The following CACNG3 variants were observed in gnomAD, a reference collection of about 807,000 sequenced individuals.
The protein encoded by CACNG3 is voltage-dependent calcium channel gamma-3 subunit.
Under a neutral mutation model 28.5 loss-of-function variants are expected in CACNG3, and 3 were observed. That is an observed-to-expected ratio of 0.11 (90% CI 0.05 to 0.27). The LOEUF is 0.27. Ranked by LOEUF, CACNG3 falls within the 10% of genes least tolerant of loss-of-function variation. CACNG3 has a pLI of 1.00. For synonymous variants in CACNG3, 174 were observed against 162.2 expected (o/e 1.07, Z -0.55); for missense variants, 236 against 414.4 (o/e 0.57, Z 3.74).
chr16:24,327,126 C>CAAAAAAAAAAAAAA (rs57918697), intron 1 of CACNG3, among the ~76,000 whole-genome samples: 3 of 35,830 alleles, frequency 8.4e-5, no homozygotes, highest in African/African-American at 2.6e-4. Flanking sequence ...GGCTCCAAAC[C>CAAAAAAAAAAAAAA]AAAAAAAAAA....
intron 1 of CACNG3, among the ~76,000 whole-genome samples, chr16:24,300,765 A>T (rs1899097964): frequency 1.3e-5 from 2 of 152,096 alleles, no homozygotes; most frequent in South Asian, 4.1e-4. Flanking sequence ...AAAATACAAA[A>T]ATTAGCTGGG....
intron 1 of CACNG3, among the ~76,000 whole-genome samples, chr16:24,281,640 C>T (rs1375104555): frequency 2.6e-5 from 4 of 152,244 alleles, no homozygotes; most frequent in East Asian, 1.9e-4. Flanking sequence ...AAAGGGTCCC[C>T]GAAAGGTTGA....
chr16:24,319,322 G>A (rs1899426186), intron 1 of CACNG3, among the ~76,000 whole-genome samples: 1 of 152,226 alleles, frequency 6.6e-6, no homozygotes, highest in African/African-American at 2.4e-5. Context: ...TAATTGTTTT[G>A]AGATAGTTAT....
At chr16:24,265,343 A>AAAG (rs1898586906) in intron 1 of CACNG3, among the ~76,000 whole-genome samples, 5 of 125,642 alleles carry the variant, frequency 4.0e-5, no homozygotes, top group African/African-American at 1.9e-4. Context: ...AAGGAAAGAA[A>AAAG]GAAAAAGGAA....
intron 1 of CACNG3, among the ~76,000 whole-genome samples, chr16:24,282,216 G>C (rs527561139): frequency 6.6e-6 from 1 of 152,124 alleles, no homozygotes; most frequent in Non-Finnish European, 1.5e-5. Flanking sequence ...CTTTGCTCTA[G>C]GTCAAACATG....
chr16:24,329,344 C>G (rs758707891), intron 1 of CACNG3, among the ~76,000 whole-genome samples: 7 of 152,304 alleles, frequency 4.6e-5, no homozygotes, highest in South Asian at 2.1e-4. Context: ...TAGTGCTGGG[C>G]AGAGCTGACC....
chr16:24,335,445 C>CATAAA (rs1321365898), intron 1 of CACNG3, among the ~76,000 whole-genome samples: 2 of 152,142 alleles, frequency 1.3e-5, no homozygotes, highest in African/African-American at 4.8e-5. Context: ...TACATACATA[C>CATAAA]ATAAAATAAA....
intron 1 of CACNG3, among the ~76,000 whole-genome samples, chr16:24,285,552 C>A (rs1192145405): frequency 6.6e-6 from 1 of 152,042 alleles, no homozygotes; most frequent in East Asian, 1.9e-4. Flanking sequence ...TAAATCAGAG[C>A]CAGACACAAT....
intron 1 of CACNG3, among the ~76,000 whole-genome samples, chr16:24,326,676 A>T (rs1440649029): frequency 2.0e-5 from 3 of 152,146 alleles, no homozygotes; most frequent in Non-Finnish European, 4.4e-5. Context: ...GGACTGAATC[A>T]CATGCCCACT....
At position 24,346,748 on chromosome 16, in the gene CACNG3, G is replaced by T. The variant is rs150135113; in HGVS notation, c.226G>T (p.Val76Leu). Residue 76 changes from valine to leucine, a missense_variant, in exon 2 of 4, where the codon GTG (valine) becomes TTG (leucine). Physicochemically the swap from Val to Leu is conservative, Grantham distance 32. This residue lies in a region of CACNG3 where 120 missense variants were observed against 263.4 expected (regional missense o/e 0.46). Coordinates refer to ENST00000005284, the MANE Select transcript of CACNG3 (RefSeq NM_006539.4). ...TCCLEGAFRG[V>L]CKKIDHFPED... ...TGTTTCCACAGGGGCTTTCCGAGGC[G>T]TGTGCAAGAAAATCGATCACTTCCC... 1.9e-6 allele frequency: 3 copies of T among 1,613,794 alleles called. No homozygotes were observed. Among genetic ancestry groups the T allele is most frequent in the Non-Finnish European group, 2.5e-6 (3 of 1,179,804 alleles).
chr16:24,313,262 A>G (rs1337474019), intron 1 of CACNG3, among the ~76,000 whole-genome samples: 1 of 152,164 alleles, frequency 6.6e-6, no homozygotes, highest in African/African-American at 2.4e-5. Context: ...TCTCAAAACA[A>G]CCCTCTGAGA....
At chr16:24,298,386 T>C (rs1158519824) in intron 1 of CACNG3, among the ~76,000 whole-genome samples, 1 of 152,298 alleles carries the variant, frequency 6.6e-6, no homozygotes, top group South Asian at 2.1e-4. Context: ...TTGCTCCCAA[T>C]TGAAAACCAC....
chr16:24,257,420 A>G (rs1005072423), intron 1 of CACNG3, among the ~76,000 whole-genome samples: 38 of 127,534 alleles, frequency 3.0e-4, no homozygotes, highest in African/African-American at 1.1e-3. Context: ...AGAGAGAGAG[A>G]GAGAGAGATC....
At chr16:24,299,480 G>T (rs1182678083) in intron 1 of CACNG3, among the ~76,000 whole-genome samples, 2 of 152,096 alleles carry the variant, frequency 1.3e-5, no homozygotes, top group East Asian at 1.9e-4. Flanking sequence ...TTTCTGCAAG[G>T]GTCCTTGGTT....
chr16:24,290,198 T>C (rs1016688788), intron 1 of CACNG3, among the ~76,000 whole-genome samples: 1 of 152,254 alleles, frequency 6.6e-6, no homozygotes, highest in African/African-American at 2.4e-5. Context: ...TATTTGTTTA[T>C]ATTCATCTTG....
At position 24,361,717 on chromosome 16, in the gene CACNG3, T is replaced by G. The variant is rs1201725642; in HGVS notation, c.802T>G (p.Ser268Ala). 6.2e-7 allele frequency: 1 copy of G among 1,613,386 alleles called. No homozygotes were observed. Among genetic ancestry groups the G allele is most frequent in the Non-Finnish European group, 8.5e-7 (1 of 1,179,908 alleles). ...PSTDISMFTL[S>A]RDPSKITMGT... ...CACTGACATCTCGATGTTCACCCTC[T>G]CCCGGGACCCCTCAAAGATCACCAT... Residue 268 changes from serine to alanine, a missense_variant, in exon 4 of 4, where the codon TCC (serine) becomes GCC (alanine). Ser to Ala is a moderately conservative substitution (Grantham distance 99). Transcript: ENST00000005284. The surrounding 1 kb of genome is among the most constrained non-coding windows in gnomAD (Gnocchi z 6.8).
At chr16:24,326,733 A>C (rs1032601530) in intron 1 of CACNG3, among the ~76,000 whole-genome samples, 7 of 152,216 alleles carry the variant, frequency 4.6e-5, no homozygotes, top group Non-Finnish European at 5.9e-5. Context: ...CACTCTCTGC[A>C]CAGGCTGAAG....
intron 1 of CACNG3, among the ~76,000 whole-genome samples, chr16:24,269,149 T>C (rs1375979220): frequency 1.3e-5 from 2 of 152,156 alleles, no homozygotes; most frequent in Non-Finnish European, 2.9e-5. Context: ...GCCTGCAGGT[T>C]GTAGGAAATG....
intron 1 of CACNG3, among the ~76,000 whole-genome samples, chr16:24,338,691 C>G (rs1403662641): frequency 6.6e-6 from 1 of 152,170 alleles, no homozygotes; most frequent in African/African-American, 2.4e-5. Context: ...TCTATAGTCT[C>G]TCTCCTCAGT....
Sources: allele counts gnomAD v4.1 joint callset (sites outside exome capture counted in the v4.1 genomes callset), GRCh38; gene constraint gnomAD v4.1.1; regional missense constraint gnomAD v4.1.1; non-coding constraint Gnocchi (gnomAD v3.1); transcripts MANE v1.5; gene names NCBI Gene and HGNC (gene_info 2026-07-23, HGNC 2026-07-21).